ASB4: variants seen among roughly 807,000 people sequenced by gnomAD.
ASB4 encodes the protein ankyrin repeat and SOCS box containing 4, also known as ankyrin repeat and SOCS box protein 4.
Under a neutral mutation model 38.6 loss-of-function variants are expected in ASB4, and 35 were observed. The ratio of observed to expected loss-of-function variants is 0.91; its 90% CI spans 0.69 to 1.20. The LOEUF (loss-of-function observed/expected upper bound fraction) is 1.20. Ranked by LOEUF, ASB4 falls within the 50% of genes most tolerant of loss-of-function variation. The pLI, the probability that ASB4 is intolerant of heterozygous loss-of-function variation, is 0.00. For missense variants in ASB4, 557 were observed against 527.2 expected (o/e 1.06, Z -0.55); for synonymous variants, 195 against 201.3 (o/e 0.97, Z 0.26).
chr7:95,503,503 C>T (rs940780513), intron 2 of ASB4, among the ~76,000 whole-genome samples: 1 of 152,164 alleles, frequency 6.6e-6, no homozygotes. Flanking sequence ...CCCACTGCCA[C>T]CTAATAAATG....
chr7:95,483,116 A>G (rs557963557), upstream of ASB4, among the ~76,000 whole-genome samples: 1 of 152,328 alleles, frequency 6.6e-6, no homozygotes, highest in African/African-American at 2.4e-5. Flanking sequence ...CACACACTCT[A>G]GTAGCCAGAT....
intron 2 of ASB4, among the ~76,000 whole-genome samples, chr7:95,514,700 G>T (rs150000377): frequency 1.3e-5 from 2 of 152,276 alleles, no homozygotes; most frequent in East Asian, 3.9e-4. Context: ...ACAAAGAAGC[G>T]CAACCTGGAG....
chr7:95,492,410 G>T (rs1419404427), intron 1 of ASB4, among the ~76,000 whole-genome samples: 2 of 152,188 alleles, frequency 1.3e-5, no homozygotes, highest in Non-Finnish European at 2.9e-5. Context: ...CAGGCTTGGA[G>T]GTAATTCTAT....
intron 2 of ASB4, among the ~76,000 whole-genome samples, chr7:95,522,896 T>C (rs1481817564): frequency 6.6e-6 from 1 of 152,190 alleles, no homozygotes; most frequent in Admixed American, 6.6e-5. Flanking sequence ...CTGGAGACCC[T>C]CTTGCATAAA....
rs186631246 is a variant in ASB4 at position 95,525,733 on chromosome 7, A to G, written c.488-2080A>G. On this transcript the variant is annotated intron_variant, in intron 2 of 4. Transcript: ENST00000325885. ...TCTCATTCGTTCCATTTCACTCCAG[A>G]GCAAAGACGAGCTGACCTGAAATAA... Among the ~76,000 whole-genome samples the G allele has an allele frequency of 3.3e-5, 5 of 152,304 alleles. No individual in the cohort carries two copies. In the East Asian group the frequency reaches 9.6e-4, roughly 29 times the overall value.
At chr7:95,547,613 C>T in the ASB4 span, among the ~76,000 whole-genome samples, 1 of 152,166 alleles carries the variant, frequency 6.6e-6, no homozygotes, top group African/African-American at 2.4e-5. Context: ...TGTGTGTTAA[C>T]TTGGCTAGGC....
In ASB4 at chr7:95,534,598, C is replaced by T. The variant is rs1790863112; in HGVS notation, c.979-1839C>T. Reference sequence around the variant, plus strand: ...GTTGGTGCACTTCCCATTAGCCTCCCCTCCACTCTCTGCCCTCGATGCACT... The same window carrying T: ...GTTGGTGCACTTCCCATTAGCCTCCTCTCCACTCTCTGCCCTCGATGCACT... On this transcript the variant is annotated intron_variant, in intron 3 of 4. Coordinates refer to ENST00000325885, the MANE Select transcript of ASB4 (RefSeq NM_016116.3). 2.0e-5 allele frequency among the ~76,000 whole-genome samples: 3 copies of T among 152,126 alleles called. No individual in the cohort carries two copies. The South Asian group carries it at 6.2e-4, about 32-fold the overall frequency.
chr7:95,539,463 AT>A lies in ASB4; in HGVS notation c.*1705del, dbSNP rs1790940846. ...ACTAAAACAAGATCTATATCATGGA[AT>A]AGAATGCTGAATTTGTATGAATTAT... On this transcript the variant is annotated 3_prime_UTR_variant, in exon 5 of 5. Transcript: ENST00000325885. 1 of 152,242 alleles carries A rather than the reference AT, an allele frequency of 6.6e-6. No individual in the cohort carries two copies. Among genetic ancestry groups the A allele is most frequent in the African/African-American group, 2.4e-5 (1 of 41,456 alleles). 9.4% of individuals were successfully genotyped at this position (152,242 alleles called of 1,614,324 possible). A position where few individuals can be genotyped will look rare whatever the true frequency, so the allele number is the denominator to read the frequency against.
downstream of ASB4, among the ~76,000 whole-genome samples, chr7:95,540,649 G>A (rs989383892): frequency 6.6e-6 from 1 of 152,130 alleles, no homozygotes; most frequent in Admixed American, 6.5e-5. Flanking sequence ...AGGATCTACT[G>A]TCTTGAAGAA....
At chr7:95,526,914 C>A (rs1304008852) in intron 2 of ASB4, among the ~76,000 whole-genome samples, 6 of 152,146 alleles carry the variant, frequency 3.9e-5, no homozygotes, top group African/African-American at 1.4e-4. Flanking sequence ...TGACCACTCT[C>A]ACATTTAACA....
intron 2 of ASB4, among the ~76,000 whole-genome samples, chr7:95,504,223 G>A (rs1187303462): frequency 6.6e-6 from 1 of 152,154 alleles, no homozygotes; most frequent in Non-Finnish European, 1.5e-5. Context: ...AGGAAAATTT[G>A]TTACTGCAGG....
At chr7:95,481,114 A>G (rs911946238), upstream of ASB4, among the ~76,000 whole-genome samples, 1 of 151,598 alleles carries the variant, frequency 6.6e-6, no homozygotes, top group African/African-American at 2.4e-5. Flanking sequence ...CCTGATCTGT[A>G]AACTAGAAAT....
At position 95,537,608 on chromosome 7, in the gene ASB4, G is replaced by T. The variant is rs1167142962; in HGVS notation, c.1130G>T (p.Cys377Phe). 1.9e-6 allele frequency: 3 copies of T among 1,612,308 alleles called. No homozygotes were observed. Among genetic ancestry groups the T allele is most frequent in the South Asian group, 1.1e-5 (1 of 90,722 alleles). Residue 377 changes from cysteine to phenylalanine, a missense_variant, in exon 5 of 5, where the codon TGC (cysteine) becomes TTC (phenylalanine). Physicochemically the swap from Cys to Phe is radical, Grantham distance 205. Transcript: ENST00000325885. Reference protein sequence around the residue: ...WDFYHSLFTVCCNSPRTLMHL... With the variant: ...WDFYHSLFTVFCNSPRTLMHL... ...TTTTACCACTCTCTCTTTACTGTGTGCTGTAACTCTCCAAGGACTCTCATG... is the reference window on the plus strand; with the variant it reads ...TTTTACCACTCTCTCTTTACTGTGTTCTGTAACTCTCCAAGGACTCTCATG...
chr7:95,549,587 G>A, the ASB4 span, among the ~76,000 whole-genome samples: 1 of 151,934 alleles, frequency 6.6e-6, no homozygotes, highest in Admixed American at 6.6e-5. Context: ...GTGAGCCACC[G>A]CGCCCGGCCG....
At chr7:95,487,615 T>C (rs923259338) in intron 1 of ASB4, among the ~76,000 whole-genome samples, 27 of 151,598 alleles carry the variant, frequency 1.8e-4, no homozygotes, top group African/African-American at 6.3e-4. Context: ...AGGGGAGAGG[T>C]GGGGTTGGTT....
chr7:95,480,478 T>C (rs1441485650), intron 1 of ASB4, among the ~76,000 whole-genome samples: 1 of 152,198 alleles, frequency 6.6e-6, no homozygotes, highest in African/African-American at 2.4e-5. Flanking sequence ...ATAGAAACAG[T>C]GGTATATGAC....
intron 2 of ASB4, among the ~76,000 whole-genome samples, chr7:95,511,458 T>C (rs1386136328): frequency 6.6e-6 from 1 of 152,084 alleles, no homozygotes; most frequent in African/African-American, 2.4e-5. Context: ...CTCGCAAGCA[T>C]AGTTGAATTA....
At chr7:95,502,757 T>C (rs894367864) in intron 2 of ASB4, among the ~76,000 whole-genome samples, 1 of 152,170 alleles carries the variant, frequency 6.6e-6, no homozygotes, top group Admixed American at 6.5e-5. Context: ...ATCTTAGAAG[T>C]TTTGATTGGT....
upstream of ASB4, among the ~76,000 whole-genome samples, chr7:95,485,275 A>T (rs1182217773): frequency 6.6e-6 from 1 of 152,126 alleles, no homozygotes; most frequent in Non-Finnish European, 1.5e-5. Context: ...TTTCTAGCTG[A>T]TTAAAAAACA....
Sources: gnomAD v4.1 joint callset for allele counts (sites outside exome capture counted in the v4.1 genomes callset) on GRCh38, gnomAD v4.1.1 for gene constraint, MANE v1.5 for transcripts, NCBI Gene and HGNC (gene_info 2026-07-23, HGNC 2026-07-21) for gene names.